RBPJ: variants seen among roughly 807,000 people sequenced by gnomAD.
The protein encoded by RBPJ is recombination signal binding protein for immunoglobulin kappa J region.
Under a neutral mutation model 67.8 loss-of-function variants are expected in RBPJ, and 9 were observed. That is an observed-to-expected ratio of 0.13 (90% CI 0.08 to 0.23). RBPJ has a LOEUF of 0.23. RBPJ is among the 10% of genes least tolerant of loss of function. RBPJ has a pLI of 1.00. For missense variants in RBPJ, 305 were observed against 595.6 expected, an observed-to-expected ratio of 0.51 and a Z score of 5.08; for synonymous variants, 198 against 203.3, an observed-to-expected ratio of 0.97 and a Z score of 0.22.
At chr4:26,303,395 T>C (rs914344639) in intron 1 of RBPJ, among the ~76,000 whole-genome samples, 3 of 141,728 alleles carry the variant, frequency 2.1e-5, no homozygotes, top group African/African-American at 7.8e-5. Flanking sequence ...AGCCCAGGAG[T>C]TCAAGGCTAC....
intron 1 of RBPJ, among the ~76,000 whole-genome samples, chr4:26,330,682 C>A (rs1724145930): frequency 6.6e-6 from 1 of 152,130 alleles, no homozygotes; most frequent in African/African-American, 2.4e-5. Flanking sequence ...TAAAGTGAGG[C>A]ATGATGGTTT....
At chr4:26,196,533 T>C (rs148746821) in intron 1 of RBPJ, among the ~76,000 whole-genome samples, 182 of 152,330 alleles carry the variant, frequency 1.2e-3, no homozygotes, top group African/African-American at 3.6e-3. Flanking sequence ...CTGAGAATCA[T>C]AACAAACCTA....
At chr4:26,423,332 A>G (rs528627391) in intron 5 of RBPJ, among the ~76,000 whole-genome samples, 43 of 152,362 alleles carry the variant, frequency 2.8e-4, no homozygotes, top group African/African-American at 1.0e-3. Flanking sequence ...AGGCAGGCCA[A>G]GGTGATCATA....
intron 1 of RBPJ, among the ~76,000 whole-genome samples, chr4:26,358,417 T>C (rs1047541074): frequency 6.6e-6 from 1 of 152,052 alleles, no homozygotes; most frequent in Admixed American, 6.6e-5. Flanking sequence ...AGGTGTAATA[T>C]ATGTTCTAGT....
chr4:26,377,991 A>G (rs1729934378), intron 1 of RBPJ, among the ~76,000 whole-genome samples: 1 of 151,938 alleles, frequency 6.6e-6, no homozygotes, highest in South Asian at 2.1e-4. Flanking sequence ...TTATGTATAC[A>G]CTGCGGAAGG....
chr4:26,153,880 G>A, the RBPJ span, among the ~76,000 whole-genome samples: 6 of 152,084 alleles, frequency 3.9e-5, no homozygotes, highest in Admixed American at 6.5e-5. Context: ...CCCAGGAGGC[G>A]GAGGTTGCAG....
chr4:26,317,873 T>C (rs1001257664), upstream of RBPJ, among the ~76,000 whole-genome samples: 2 of 152,130 alleles, frequency 1.3e-5, no homozygotes, highest in African/African-American at 4.8e-5. Flanking sequence ...ATTCCCTTTG[T>C]GGTTACCATG....
At chr4:26,281,189 C>T (rs1410659157) in intron 1 of RBPJ, among the ~76,000 whole-genome samples, 5 of 151,998 alleles carry the variant, frequency 3.3e-5, no homozygotes, top group African/African-American at 9.7e-5. Flanking sequence ...CTCACAGTTC[C>T]GCAGGCTTAA....
intron 1 of RBPJ, among the ~76,000 whole-genome samples, chr4:26,214,442 GAGAA>G (rs1223343961): frequency 7.6e-6 from 1 of 131,388 alleles, no homozygotes; most frequent in Non-Finnish European, 1.6e-5. Flanking sequence ...GAGAGAGAAA[GAGAA>G]AGAAAAAGAA....
At chr4:26,400,655 A>G (rs1299772316) in intron 2 of RBPJ, among the ~76,000 whole-genome samples, 1 of 152,188 alleles carries the variant, frequency 6.6e-6, no homozygotes, top group Non-Finnish European at 1.5e-5. Context: ...ATTTATTTTT[A>G]CTGTTGAAAG....
At chr4:26,319,998 C>T (rs528749401), upstream of RBPJ, 232 of 932,478 alleles carry the variant, frequency 2.5e-4, no homozygotes, top group Admixed American at 2.9e-3. Flanking sequence ...GCGATTCGGG[C>T]AGCCGGCAGC....
At chr4:26,198,844 C>G (rs1170309710) in intron 1 of RBPJ, among the ~76,000 whole-genome samples, 1 of 152,154 alleles carries the variant, frequency 6.6e-6, no homozygotes, top group Non-Finnish European at 1.5e-5. Flanking sequence ...AAGAAACTCA[C>G]TTTTTGCTAA....
At chr4:26,189,648 A>G (rs1316174046) in intron 1 of RBPJ, among the ~76,000 whole-genome samples, 1 of 152,144 alleles carries the variant, frequency 6.6e-6, no homozygotes, top group Admixed American at 6.6e-5. Flanking sequence ...ACAGAGCAAG[A>G]CTCCACCTAA....
intron 1 of RBPJ, among the ~76,000 whole-genome samples, chr4:26,204,634 A>G (rs1295549289): frequency 6.6e-6 from 1 of 152,180 alleles, no homozygotes; most frequent in Non-Finnish European, 1.5e-5. Context: ...GTTGTGTCCA[A>G]GTTGGAAGTG....
At chr4:26,360,998 T>C (rs901539198) in intron 1 of RBPJ, among the ~76,000 whole-genome samples, 1 of 150,840 alleles carries the variant, frequency 6.6e-6, no homozygotes, top group Admixed American at 6.7e-5. Flanking sequence ...AGGATACATT[T>C]GTCTGGAGGA....
chr4:26,358,915 T>G (rs907804997), intron 1 of RBPJ, among the ~76,000 whole-genome samples: 1 of 152,212 alleles, frequency 6.6e-6, no homozygotes, highest in East Asian at 1.9e-4. Context: ...TATTAAGTCT[T>G]TTCCCCCTTC....
At chr4:26,350,763 C>T (rs1726712875) in intron 1 of RBPJ, among the ~76,000 whole-genome samples, 1 of 152,114 alleles carries the variant, frequency 6.6e-6, no homozygotes. Flanking sequence ...AGATGATTCC[C>T]TGGTTTTTGG....
chr4:26,205,916 AAAACTTCTAAATG>A (rs1577470504), intron 1 of RBPJ, among the ~76,000 whole-genome samples: 1 of 152,172 alleles, frequency 6.6e-6, no homozygotes, highest in Non-Finnish European at 1.5e-5. Flanking sequence ...TAAGAAAAAA[AAAACTTCTAAATG>A]AAACTCAAGT....
chr4:26,234,944 G>A (rs933487094), intron 1 of RBPJ, among the ~76,000 whole-genome samples: 3 of 151,974 alleles, frequency 2.0e-5, no homozygotes, highest in African/African-American at 7.3e-5. Context: ...CGCCCACCTC[G>A]GCCTCCCAAA....
Sources: allele counts gnomAD v4.1 joint callset (sites outside exome capture counted in the v4.1 genomes callset), GRCh38; gene constraint gnomAD v4.1.1; transcripts MANE v1.5; gene names NCBI Gene and HGNC (gene_info 2026-07-23, HGNC 2026-07-21).